The following GCG variants were observed in gnomAD, a reference collection of about 807,000 sequenced individuals.
GCG encodes the protein pro-glucagon.
Under a neutral mutation model 22.8 loss-of-function variants are expected in GCG, and 11 were observed. The observed-to-expected ratio is 0.48, with a 90% confidence interval of 0.30 to 0.80. The LOEUF is 0.80. Ranked by LOEUF, GCG falls within the 30% of genes least tolerant of loss-of-function variation. The probability of loss-of-function intolerance (pLI) is 0.06; values close to 1 mark genes in which losing one functional copy is unlikely to be tolerated. For missense variants in GCG, 222 were observed against 222.0 expected (o/e 1.00, Z 0.00); for synonymous variants, 89 against 72.4 (o/e 1.23, Z -1.16).
At chr2:162,144,251 G>T in intron 4 of GCG, 81 bp from the exon 5 acceptor site, 1 of 1,085,438 alleles carries the variant, frequency 9.2e-7, no homozygotes, top group Non-Finnish European at 1.4e-6. Flanking sequence ...CTGGTAACAT[G>T]CACAAGTGTC....
In GCG at chr2:162,147,501, A is replaced by G. The variant is rs1686720126; in HGVS notation, c.106T>C (p.Ser36Pro). 6.2e-7 allele frequency: 1 copy of G among 1,612,966 alleles called. No homozygotes were observed. Among genetic ancestry groups the G allele is most frequent in the Admixed American group, 1.7e-5 (1 of 59,966 alleles). The change falls in exon 3 of 6, where the codon TCC becomes CCC. Residue 36 changes from serine to proline, a missense_variant. By Grantham distance (74) the Ser-to-Pro change is moderately conservative. Transcript: ENST00000418842. The stretch of plus-strand genomic sequence containing the variant: ...GGATCACTGAGTGGGTCTGCCTGGG[A>G]AGCTGAGAATGATCTGTGAAGAACA... ...TEEKSRSFSA[S>P]QADPLSDPDQ...
chr2:162,150,083 T>TA lies in GCG; in HGVS notation c.-9-897dup, dbSNP rs150655593. On this transcript the variant is annotated intron_variant, in intron 1 of 5. Coordinates refer to ENST00000418842, the MANE Select transcript of GCG (RefSeq NM_002054.5). ...GATGCCCTGCGAAGCCATAGTATGT[T>TA]AAGGATGTGATGATGCAGTGTCGAC... 9.1e-3 allele frequency among the ~76,000 whole-genome samples: 1,386 copies of TA among 152,184 alleles called. 16 individuals are homozygous for TA. The highest frequency in any genetic ancestry group is 0.03 in the African/African-American group (1,253 of 41,516).
intron 5 of GCG, 90 bp from the exon 6 acceptor site, chr2:162,143,460 G>T: frequency 3.6e-6 from 2 of 556,182 alleles, no homozygotes; most frequent in South Asian, 3.4e-5. Context: ...GATTTATTTT[G>T]ATAAAAGTTG....
rs372786707 is a variant in GCG at position 162,148,175 on chromosome 2, T to C, written c.93-661A>G. Among the ~76,000 whole-genome samples the C allele has an allele frequency of 1.4e-4, 21 of 152,226 alleles. 1 individual carries two copies. Among genetic ancestry groups the C allele is most frequent in the East Asian group, 1.2e-3 (6 of 5,186 alleles). On this transcript the variant is annotated intron_variant, in intron 2 of 5. Coordinates refer to ENST00000418842, the MANE Select transcript of GCG (RefSeq NM_002054.5). ...AGCTTGAATGCTGAGGAGGATATTA[T>C]GAGGAGTATTTCTATACTGCTGATG... is the stretch of plus-strand genomic sequence containing the variant.
At chr2:162,151,794 A>AAAGTAGTATACAGATCTATC (rs2106199168) in intron 1 of GCG, among the ~76,000 whole-genome samples, 1 of 152,298 alleles carries the variant, frequency 6.6e-6, no homozygotes, top group East Asian at 1.9e-4. Flanking sequence ...CCTTCTGTTC[A>AAAGTAGTATACAGATCTATC]AAGTAGTATA....
At chr2:162,149,040 T>A in intron 2 of GCG, 47 bp downstream of exon 2, 1 of 1,132,188 alleles carries the variant, frequency 8.8e-7, no homozygotes, top group Non-Finnish European at 1.3e-6. Flanking sequence ...TCACAGGCTT[T>A]ATTCCAACCA....
chr2:162,146,451 A>G (rs941431763), intron 3 of GCG, among the ~76,000 whole-genome samples: 2 of 151,814 alleles, frequency 1.3e-5, no homozygotes, highest in Non-Finnish European at 2.9e-5. Context: ...TGCTCTGACC[A>G]TGATAGCCAT....
chr2:162,151,065 G>C (rs4664449), intron 1 of GCG, among the ~76,000 whole-genome samples: 7,145 of 151,964 alleles, frequency 0.047, 705 homozygotes, highest in Admixed American at 0.24. Context: ...AGAAAGTAGA[G>C]ATTTATGTTA....
intron 4 of GCG, 73 bp from the exon 5 acceptor site, chr2:162,144,243 G>T: frequency 8.7e-7 from 1 of 1,143,162 alleles, no homozygotes; most frequent in Non-Finnish European, 1.3e-6. Flanking sequence ...GTCTACCACT[G>T]GTAACATGCA....
At position 162,143,273 on chromosome 2, in the gene GCG, T is replaced by C; in HGVS notation, c.*91A>G. On this transcript the variant is annotated 3_prime_UTR_variant, in exon 6 of 6. Coordinates refer to ENST00000418842, the MANE Select transcript of GCG (RefSeq NM_002054.5). ...CATGCAAAGCAATGTGGCCTCAGAA[T>C]ACACCTCTTAAATTTACAGGACTTA... is the stretch of plus-strand genomic sequence containing the variant. 1.6e-6 allele frequency: 1 copy of C among 615,990 alleles called. No homozygotes were observed. Among genetic ancestry groups the C allele is most frequent in the African/African-American group, 1.9e-5 (1 of 53,184 alleles). 38.2% of individuals were successfully genotyped at this position (615,990 alleles called of 1,614,324 possible). A position where few individuals can be genotyped will look rare whatever the true frequency, so the allele number is the denominator to read the frequency against.
chr2:162,144,066 T>A lies in GCG; in HGVS notation c.497A>T (p.Asp166Val), dbSNP rs368051970. The A allele has an allele frequency of 6.2e-7, 1 of 1,613,096 alleles. No homozygotes were observed. Among genetic ancestry groups the A allele is most frequent in the Non-Finnish European group, 8.5e-7 (1 of 1,179,252 alleles). Residue 166 changes from aspartate (D) to valine (V), a missense_variant, in exon 5 of 6, where the codon GAC (aspartate) becomes GTC (valine). Coordinates refer to ENST00000418842, the MANE Select transcript of GCG (RefSeq NM_002054.5). ...NTILDNLAAR[D>V]FINWLIQTKI... The stretch of plus-strand genomic sequence containing the variant: ...GGTCTGAATCAACCAGTTTATAAAG[T>A]CCCTGGCGGCAAGATTATCAAGAAT...
chr2:162,150,150 C>A (rs1559750832), intron 1 of GCG, among the ~76,000 whole-genome samples: 1 of 152,130 alleles, frequency 6.6e-6, no homozygotes, highest in Non-Finnish European at 1.5e-5. Context: ...AATGTCCCCA[C>A]AGAGCAAGCG....
chr2:162,145,452 C>T (rs1686659696), intron 4 of GCG, 88 bp downstream of exon 4: 1 of 1,068,710 alleles, frequency 9.4e-7, no homozygotes. Flanking sequence ...CTAATTGCTT[C>T]TGTAATCCAG....
chr2:162,145,501 T>A (rs368896073), intron 4 of GCG, 39 bp downstream of exon 4: 12 of 1,554,366 alleles, frequency 7.7e-6, no homozygotes, highest in Non-Finnish European at 9.6e-6. Flanking sequence ...ATTTTCTGCA[T>A]CAAGGCAAAA....
At position 162,147,444 on chromosome 2, in the gene GCG, G is replaced by T; in HGVS notation, c.163C>A (p.Gln55Lys). Residue 55 changes from glutamine (Q) to lysine (K), a missense_variant, in exon 3 of 6, where the codon CAG becomes AAG. Physicochemically the swap from Gln to Lys is moderately conservative, Grantham distance 53 (BLOSUM62 1). Coordinates refer to ENST00000418842, the MANE Select transcript of GCG (RefSeq NM_002054.5). ...CTGTAGTCACTGGTGAATGTGCCCT[G>T]TGAATGGCGCTTGTCCTCGTTCATC... Reference protein sequence around the residue: ...DQMNEDKRHSQGTFTSDYSKY... With the variant: ...DQMNEDKRHSKGTFTSDYSKY... 6.2e-7 allele frequency: 1 copy of T among 1,613,196 alleles called. No homozygotes were observed. Among genetic ancestry groups the T allele is most frequent in the Middle Eastern group, 1.7e-4 (1 of 6,056 alleles).
intron 1 of GCG, among the ~76,000 whole-genome samples, chr2:162,149,610 C>T (rs945514267): frequency 6.6e-6 from 1 of 152,116 alleles, no homozygotes; most frequent in Admixed American, 6.5e-5. Flanking sequence ...AATTAATAGT[C>T]CTTCACTTCC....
chr2:162,144,425 A>C, intron 4 of GCG: 1 of 429,416 alleles, frequency 2.3e-6, no homozygotes, highest in Non-Finnish European at 4.2e-6. Context: ...GGCTGTTTTG[A>C]AGATTTTAGT....
At chr2:162,147,193 C>G (rs934626253) in intron 3 of GCG, among the ~76,000 whole-genome samples, 160 bp downstream of exon 3, 2 of 152,038 alleles carry the variant, frequency 1.3e-5, no homozygotes, top group Non-Finnish European at 2.9e-5. Context: ...CATTCGGGGG[C>G]ATAATACTAA....
chr2:162,143,985 T>G (rs576194632), intron 5 of GCG, 42 bp downstream of exon 5: 13 of 1,571,700 alleles, frequency 8.3e-6, no homozygotes, highest in African/African-American at 1.4e-5. Context: ...TCAGTACTTA[T>G]GAGAATTTGA....
Sources: allele counts gnomAD v4.1 joint callset (sites outside exome capture counted in the v4.1 genomes callset), GRCh38; gene constraint gnomAD v4.1.1; transcripts MANE v1.5; gene names NCBI Gene and HGNC (gene_info 2026-07-23, HGNC 2026-07-21).